The following SLC31A1 variants were observed in gnomAD, a reference collection of about 807,000 sequenced individuals.
SLC31A1 encodes the protein solute carrier family 31 member 1.
Under a neutral mutation model 17.2 loss-of-function variants are expected in SLC31A1, and 5 were observed. The observed-to-expected ratio is 0.29, with a 90% CI of 0.15 to 0.61. SLC31A1 has a LOEUF of 0.61. Ranked by LOEUF, SLC31A1 falls within the 20% of genes least tolerant of loss-of-function variation. SLC31A1 has a pLI of 0.86. For synonymous variants in SLC31A1, 76 were observed against 78.8 expected (o/e 0.96, Z 0.19); for missense variants, 161 against 241.4 (o/e 0.67, Z 2.21).
At chr9:113,252,048 A>G (rs927216676) in intron 1 of SLC31A1, among the ~76,000 whole-genome samples, 6 of 152,304 alleles carry the variant, frequency 3.9e-5, no homozygotes, top group African/African-American at 1.4e-4. Context: ...CACAAATGAC[A>G]CTTCAAAACA....
intron 1 of SLC31A1, among the ~76,000 whole-genome samples, chr9:113,245,609 T>TGCA (rs1447168821): frequency 3.9e-5 from 6 of 151,982 alleles, no homozygotes. Context: ...TCCAAGCAAC[T>TGCA]GCACTATTTT....
intron 1 of SLC31A1, among the ~76,000 whole-genome samples, chr9:113,238,518 T>C (rs1474577706): frequency 6.6e-6 from 1 of 152,160 alleles, no homozygotes; most frequent in East Asian, 1.9e-4. Flanking sequence ...TCCCAGCACT[T>C]TGAGGGGCCG....
intron 4 of SLC31A1, 140 bp from the exon 5 acceptor site, chr9:113,260,132 A>G (rs1421281665): frequency 8.0e-6 from 6 of 747,700 alleles, no homozygotes; most frequent in Non-Finnish European, 1.5e-5. Context: ...TGGACCAATC[A>G]AAGAACATTC....
intron 1 of SLC31A1, 96 bp downstream of exon 1, chr9:113,221,774 C>G (rs1202272264): frequency 5.3e-6 from 1 of 187,162 alleles, no homozygotes; most frequent in Admixed American, 5.5e-5. Context: ...TTCCTCAGCT[C>G]CGCGGAAGGA....
At chr9:113,227,383 G>C (rs1433890986) in intron 1 of SLC31A1, 1 of 152,008 alleles carries the variant, frequency 6.6e-6, no homozygotes, top group Admixed American at 6.6e-5. Flanking sequence ...CTTTCGAGTA[G>C]CCGGGACTAC....
At chr9:113,223,179 A>G (rs1164930842) in intron 1 of SLC31A1, 5 of 433,648 alleles carry the variant, frequency 1.2e-5, no homozygotes, top group Middle Eastern at 4.1e-4. Flanking sequence ...CCTAAAATCA[A>G]TAGCCTTTTT....
intron 1 of SLC31A1, chr9:113,227,435 A>G (rs375136107): frequency 2.0e-5 from 3 of 151,552 alleles, no homozygotes; most frequent in African/African-American, 7.3e-5. Context: ...TGTATTTTTG[A>G]TAGAGTCGGG....
At chr9:113,223,769 C>A (rs189003134) in intron 1 of SLC31A1, among the ~76,000 whole-genome samples, 1 of 151,992 alleles carries the variant, frequency 6.6e-6, no homozygotes, top group Admixed American at 6.6e-5. Context: ...TCTTTATATA[C>A]GAGTATACCC....
intron 1 of SLC31A1, 70 bp from the exon 2 acceptor site, chr9:113,256,044 C>G: frequency 8.2e-7 from 1 of 1,212,878 alleles, no homozygotes; most frequent in East Asian, 2.7e-5. Flanking sequence ...GATTCCATCT[C>G]TAAAAATAAA....
chr9:113,233,990 T>A (rs1831426914), intron 1 of SLC31A1, among the ~76,000 whole-genome samples: 1 of 152,208 alleles, frequency 6.6e-6, no homozygotes, highest in Non-Finnish European at 1.5e-5. Flanking sequence ...CCTTCTGTGC[T>A]GTCAAACACT....
At chr9:113,234,175 A>G (rs1831429457) in intron 1 of SLC31A1, among the ~76,000 whole-genome samples, 1 of 151,732 alleles carries the variant, frequency 6.6e-6, no homozygotes, top group Non-Finnish European at 1.5e-5. Context: ...GACTGAGAAC[A>G]TGCAATATTT....
chr9:113,256,282 G>A lies in SLC31A1; in HGVS notation c.129+5G>A, dbSNP rs1248181390. ...GACAGCAGCATGATGATGATGGTGA[G>A]TGCCATAGGAGGGGCAATGCAGGCC... is the stretch of plus-strand genomic sequence containing the variant. On this transcript the variant is annotated splice_donor_5th_base_variant and intron_variant, in intron 2 of 4. Coordinates refer to ENST00000374212, the MANE Select transcript of SLC31A1 (RefSeq NM_001859.4). 1.9e-6 allele frequency: 3 copies of A among 1,613,982 alleles called. No homozygotes were observed. The highest frequency in any genetic ancestry group is 2.5e-6 in the Non-Finnish European group (3 of 1,179,934).
chr9:113,247,688 A>G (rs934807827), intron 1 of SLC31A1, among the ~76,000 whole-genome samples: 2 of 152,172 alleles, frequency 1.3e-5, no homozygotes, highest in African/African-American at 4.8e-5. Flanking sequence ...TCTTGACTAT[A>G]AGGAGGTTTT....
At chr9:113,259,875 C>T (rs1260912971) in intron 4 of SLC31A1, among the ~76,000 whole-genome samples, 2 of 152,118 alleles carry the variant, frequency 1.3e-5, no homozygotes, top group African/African-American at 4.8e-5. Flanking sequence ...CATTAGCCAC[C>T]ACCCCCAGCC....
intron 1 of SLC31A1, among the ~76,000 whole-genome samples, chr9:113,233,433 C>A (rs1270033071): frequency 1.3e-5 from 2 of 152,152 alleles, no homozygotes; most frequent in Non-Finnish European, 2.9e-5. Flanking sequence ...CAGCTGGGAA[C>A]AAATGTAAAA....
At chr9:113,246,562 A>G (rs1158022947) in intron 1 of SLC31A1, among the ~76,000 whole-genome samples, 2 of 151,958 alleles carry the variant, frequency 1.3e-5, no homozygotes, top group Non-Finnish European at 2.9e-5. Context: ...CATGCTAGCC[A>G]GGATGGTCTT....
chr9:113,256,067 G>T lies in SLC31A1; in HGVS notation c.-35-47G>T, dbSNP rs1587996295. The T allele has an allele frequency of 5.8e-6, 8 of 1,375,758 alleles. No homozygotes were observed. The East Asian group carries it at 2.1e-4, about 35-fold the overall frequency. 85.2% of individuals were successfully genotyped at this position (1,375,758 alleles called of 1,614,324 possible). On this transcript the variant is annotated intron_variant, in intron 1 of 4. Transcript: ENST00000374212. ...CTCTAAAAATAAAAAAAAGAGATAA[G>T]ATTTTTATATCCTTAAATTATTATA...
intron 1 of SLC31A1, among the ~76,000 whole-genome samples, chr9:113,225,868 G>A (rs758771471): frequency 2.2e-4 from 34 of 152,052 alleles, no homozygotes; most frequent in Non-Finnish European, 4.6e-4. Flanking sequence ...CAAAGTGTTC[G>A]GCCAGGTGTG....
At chr9:113,248,552 A>C (rs969126023) in intron 1 of SLC31A1, among the ~76,000 whole-genome samples, 3 of 145,124 alleles carry the variant, frequency 2.1e-5, no homozygotes, top group Admixed American at 7.3e-5. Flanking sequence ...TCACTGCAAC[A>C]TGGCCTCCCA....
Sources: allele counts gnomAD v4.1 joint callset (sites outside exome capture counted in the v4.1 genomes callset), GRCh38; gene constraint gnomAD v4.1.1; transcripts MANE v1.5; gene names NCBI Gene and HGNC (gene_info 2026-07-23, HGNC 2026-07-21).